KLRG1: variants seen among roughly 807,000 people sequenced by gnomAD.
The protein encoded by KLRG1 is killer cell lectin-like receptor subfamily G member 1.
KLRG1 carries 16 observed loss-of-function variants against 21.8 expected under a neutral mutation model. The ratio of observed to expected loss-of-function variants is 0.73; its 90% CI spans 0.50 to 1.11. KLRG1 has a LOEUF of 1.11. Among genes scored for constraint, KLRG1 ranks in the 50% most tolerant of loss-of-function variants. KLRG1 has a pLI of 0.00. For synonymous variants in KLRG1, 69 were observed against 75.9 expected (o/e 0.91, Z 0.47); for missense variants, 173 against 218.3 (o/e 0.79, Z 1.31).
intron 1 of KLRG1, among the ~76,000 whole-genome samples, chr12:8,984,216 TTATTGAGA>T (rs1281867572): frequency 6.6e-6 from 1 of 152,138 alleles, no homozygotes; most frequent in Non-Finnish European, 1.5e-5. Context: ...ATTATTATTA[TTATTGAGA>T]TGGAGTCTCG....
intron 1 of KLRG1, among the ~76,000 whole-genome samples, chr12:8,953,053 C>A (rs1015161554): frequency 6.6e-6 from 1 of 152,062 alleles, no homozygotes; most frequent in Admixed American, 6.5e-5. Context: ...TGACACCCCC[C>A]CCCCGCAAAA....
At chr12:9,030,985 G>C in the KLRG1 span, among the ~76,000 whole-genome samples, 3 of 152,250 alleles carry the variant, frequency 2.0e-5, no homozygotes, top group East Asian at 3.8e-4. Flanking sequence ...CCGGCAGGGG[G>C]TAGTGAGAGA....
the KLRG1 span, among the ~76,000 whole-genome samples, chr12:9,035,248 C>G: frequency 6.6e-6 from 1 of 152,040 alleles, no homozygotes; most frequent in Non-Finnish European, 1.5e-5. Flanking sequence ...ACATATACAC[C>G]ATGGAATACT....
At chr12:9,112,598 C>T in the KLRG1 span, 4 of 1,570,176 alleles carry the variant, frequency 2.5e-6, no homozygotes, top group Non-Finnish European at 3.5e-6. Context: ...CCCCTATTTG[C>T]TGTTGCACTC....
the KLRG1 span, among the ~76,000 whole-genome samples, chr12:9,090,952 G>A: frequency 6.6e-6 from 1 of 152,172 alleles, no homozygotes; most frequent in African/African-American, 2.4e-5. Flanking sequence ...TGAGAATAGA[G>A]TACTGACTTT....
chr12:9,213,816 T>C, the KLRG1 span, among the ~76,000 whole-genome samples: 6 of 152,090 alleles, frequency 3.9e-5, no homozygotes, highest in Non-Finnish European at 1.5e-5. Flanking sequence ...CTGAGACACA[T>C]AGAAGTTTTT....
chr12:9,029,298 C>T, the KLRG1 span, among the ~76,000 whole-genome samples: 2 of 152,244 alleles, frequency 1.3e-5, no homozygotes, highest in African/African-American at 2.4e-5. Flanking sequence ...TCACTGCAAC[C>T]TCTGCCTCCT....
the KLRG1 span, chr12:9,079,961 A>G: frequency 1.0e-6 from 1 of 990,936 alleles, no homozygotes; most frequent in Non-Finnish European, 1.4e-6. Context: ...ATTGAAAGCA[A>G]TAAACAAGCC....
At chr12:9,086,426 G>T in the KLRG1 span, among the ~76,000 whole-genome samples, 81,149 of 151,958 alleles carry the variant, frequency 0.53, 22,824 homozygotes, top group African/African-American at 0.69. Flanking sequence ...CAACAATACA[G>T]TAAAAGGATC....
the KLRG1 span, chr12:9,149,534 T>G: frequency 6.2e-7 from 1 of 1,603,350 alleles, no homozygotes; most frequent in South Asian, 1.1e-5. Context: ...TGCCATCTAG[T>G]ACTGGTCATA....
At chr12:9,127,010 T>G in the KLRG1 span, among the ~76,000 whole-genome samples, 259 of 152,298 alleles carry the variant, frequency 1.7e-3, 3 homozygotes, top group East Asian at 0.013. Flanking sequence ...GACACTACAT[T>G]CTTTCTAGGC....
At chr12:9,007,910 C>A (rs1023638333) in intron 3 of KLRG1, among the ~76,000 whole-genome samples, 1 of 152,120 alleles carries the variant, frequency 6.6e-6, no homozygotes, top group Admixed American at 6.5e-5. Context: ...ATCTTTCTAA[C>A]CTTTTATTTT....
At chr12:9,127,203 G>C in the KLRG1 span, among the ~76,000 whole-genome samples, 1 of 152,188 alleles carries the variant, frequency 6.6e-6, no homozygotes, top group Admixed American at 6.5e-5. Flanking sequence ...TTTGCCGTCT[G>C]GGTTGTTCTG....
At chr12:8,978,526 T>C (rs1163962212) in intron 1 of KLRG1, among the ~76,000 whole-genome samples, 2 of 152,108 alleles carry the variant, frequency 1.3e-5, no homozygotes, top group Admixed American at 1.3e-4. Flanking sequence ...TGGTTGGCTG[T>C]TTTCTCTTTC....
chr12:9,003,766 A>G (rs1296149901), intron 3 of KLRG1, among the ~76,000 whole-genome samples: 2 of 151,790 alleles, frequency 1.3e-5, no homozygotes, highest in South Asian at 4.2e-4. Flanking sequence ...GGTTAGTTAC[A>G]TATGTATACA....
chr12:9,184,312 A>G, the KLRG1 span, among the ~76,000 whole-genome samples: 1 of 152,094 alleles, frequency 6.6e-6, no homozygotes, highest in East Asian at 1.9e-4. Flanking sequence ...TAGGCACAAA[A>G]CACACAAACC....
At chr12:9,109,419 A>G in the KLRG1 span, 139 of 1,602,788 alleles carry the variant, frequency 8.7e-5, no homozygotes, top group African/African-American at 1.7e-3. Flanking sequence ...TTGATTGGTG[A>G]TAAAGAAGGT....
chr12:9,122,985 T>C, the KLRG1 span, among the ~76,000 whole-genome samples: 1 of 152,262 alleles, frequency 6.6e-6, no homozygotes, highest in Non-Finnish European at 1.5e-5. Flanking sequence ...CATAATGTAA[T>C]TTTTTCCATG....
chr12:8,990,652 A>G (rs1036899140), intron 1 of KLRG1, among the ~76,000 whole-genome samples: 1 of 152,132 alleles, frequency 6.6e-6, no homozygotes, highest in Admixed American at 6.5e-5. Flanking sequence ...ATATTACGTT[A>G]GAAGTAATGC....
Sources: gnomAD v4.1 joint callset for allele counts (sites outside exome capture counted in the v4.1 genomes callset) on GRCh38, gnomAD v4.1.1 for gene constraint, MANE v1.5 for transcripts, NCBI Gene and HGNC (gene_info 2026-07-23, HGNC 2026-07-21) for gene names.